The following CREB5 variants were observed in gnomAD, a reference collection of about 807,000 sequenced individuals.
The protein encoded by CREB5 is cAMP responsive element binding protein 5, also known as cyclic AMP-responsive element-binding protein 5.
A neutral mutation model predicts 57.1 loss-of-function variants in CREB5; 19 were observed. The observed-to-expected ratio is 0.33, with a 90% CI of 0.23 to 0.49. The LOEUF is 0.49. Among genes scored for constraint, CREB5 ranks in the 20% least tolerant of loss-of-function variants. CREB5 has a pLI of 0.99. For synonymous variants in CREB5, 238 were observed against 238.3 expected (o/e 1.00, Z 0.01); for missense variants, 579 against 671.6 (o/e 0.86, Z 1.52).
At chr7:28,818,810 G>A in intron 10 of CREB5, 1 of 500,046 alleles carries the variant, frequency 2.0e-6, no homozygotes, top group Non-Finnish European at 3.9e-6. Flanking sequence ...TTCCACATTT[G>A]ATATACGGAT....
Position 28,315,180 on chromosome 7 carries a change from C to T in CREB5, c.-25+15739C>T, listed in dbSNP as rs76806632. 2.9e-3 allele frequency among the ~76,000 whole-genome samples: 443 copies of T among 152,292 alleles called. 3 individuals carry two copies. Among genetic ancestry groups the T allele is most frequent in the African/African-American group, 9.9e-3 (411 of 41,556 alleles). On this transcript the variant is annotated intron_variant, in intron 1 of 9. Transcript: ENST00000396299. ...TTCCTGATGATTCTTGCCAAGGCAACGACTTCCTGTGGGCACAATTCATTT... is the reference window on the plus strand; with the variant it reads ...TTCCTGATGATTCTTGCCAAGGCAATGACTTCCTGTGGGCACAATTCATTT...
At chr7:28,394,075 A>C in intron 1 of CREB5, among the ~76,000 whole-genome samples, 1 of 20,754 alleles carries the variant, frequency 4.8e-5, no homozygotes, top group African/African-American at 1.2e-4. Context: ...TGTCTCAAAA[A>C]AAAAAAAAAA....
chr7:28,348,662 T>G (rs1335693293), intron 1 of CREB5, among the ~76,000 whole-genome samples: 1 of 152,172 alleles, frequency 6.6e-6, no homozygotes, highest in East Asian at 1.9e-4. Context: ...CATCCGTCTT[T>G]CCATTCACAA....
chr7:28,719,690 A>AT (rs1235927150), intron 6 of CREB5, among the ~76,000 whole-genome samples: 1 of 152,218 alleles, frequency 6.6e-6, no homozygotes, highest in African/African-American at 2.4e-5. Context: ...CTAATAGGTG[A>AT]TGGAGGTAGG....
intron 5 of CREB5, among the ~76,000 whole-genome samples, chr7:28,625,963 C>T (rs1797983650): frequency 6.6e-6 from 1 of 152,130 alleles, no homozygotes; most frequent in Non-Finnish European, 1.5e-5. Flanking sequence ...TCATTAGGTA[C>T]CATATGCTTT....
chr7:28,771,006 A>G (rs1244881494), intron 7 of CREB5, among the ~76,000 whole-genome samples: 2 of 152,222 alleles, frequency 1.3e-5, no homozygotes, highest in Non-Finnish European at 2.9e-5. Context: ...TATATATGAT[A>G]GCAAATCGTC....
chr7:28,584,639 C>A lies in CREB5; in HGVS notation c.464+14102C>A, dbSNP rs1013792170. 3.9e-5 allele frequency among the ~76,000 whole-genome samples: 6 copies of A among 152,286 alleles called. No individual in the cohort carries two copies. The South Asian group carries it at 1.2e-3, about 32-fold the overall frequency. ...TGACACCTTGATTTCAGACTTCTAA[C>A]CTCCAGAACTGTGAAAAAATACATT... is the stretch of plus-strand genomic sequence containing the variant. On this transcript the variant is annotated intron_variant, in intron 5 of 10. Coordinates refer to ENST00000357727, the MANE Select transcript of CREB5 (RefSeq NM_182898.4).
At chr7:28,692,525 A>G (rs183330939) in intron 5 of CREB5, among the ~76,000 whole-genome samples, 32 of 152,112 alleles carry the variant, frequency 2.1e-4, no homozygotes, top group Non-Finnish European at 4.0e-4. Flanking sequence ...GGATTCAATC[A>G]CTCTTCTACT....
chr7:28,608,823 G>T (rs1797278571), intron 5 of CREB5, among the ~76,000 whole-genome samples: 1 of 152,206 alleles, frequency 6.6e-6, no homozygotes, highest in South Asian at 2.1e-4. Context: ...TGTTGGTTTT[G>T]TGTAAGGCTA....
intron 6 of CREB5, among the ~76,000 whole-genome samples, chr7:28,721,163 T>C (rs543782000): frequency 7.2e-5 from 11 of 152,102 alleles, no homozygotes; most frequent in Non-Finnish European, 1.2e-4. Flanking sequence ...TATGTGGCAA[T>C]ATCTGGAGAC....
chr7:28,597,455 G>T (rs1302370805), intron 5 of CREB5, among the ~76,000 whole-genome samples: 1 of 152,264 alleles, frequency 6.6e-6, no homozygotes, highest in East Asian at 1.9e-4. Flanking sequence ...CCAATAAAAC[G>T]TGCTAACAGT....
At chr7:28,737,373 C>T (rs1213345697) in intron 7 of CREB5, among the ~76,000 whole-genome samples, 2 of 151,490 alleles carry the variant, frequency 1.3e-5, no homozygotes, top group Non-Finnish European at 2.9e-5. Context: ...TCAGATCTAG[C>T]TGCACCTCCT....
At chr7:28,725,057 C>T (rs183323637) in intron 7 of CREB5, among the ~76,000 whole-genome samples, 38 of 152,322 alleles carry the variant, frequency 2.5e-4, no homozygotes, top group South Asian at 1.7e-3. Flanking sequence ...AGTTTACATA[C>T]AGTTTAATTC....
At chr7:28,680,481 A>T (rs1444483715) in intron 5 of CREB5, among the ~76,000 whole-genome samples, 1 of 152,136 alleles carries the variant, frequency 6.6e-6, no homozygotes, top group East Asian at 1.9e-4. Context: ...TCCTTGGCCG[A>T]GCACTATGGC....
intron 1 of CREB5, among the ~76,000 whole-genome samples, chr7:28,401,970 C>T (rs1226784736): frequency 6.6e-6 from 1 of 152,144 alleles, no homozygotes; most frequent in Non-Finnish European, 1.5e-5. Context: ...AGTTCTAGAT[C>T]CCTGAGGAAT....
chr7:28,687,712 GT>G (rs2128728148), intron 5 of CREB5, among the ~76,000 whole-genome samples: 1 of 152,098 alleles, frequency 6.6e-6, no homozygotes, highest in South Asian at 2.1e-4. Context: ...TTTAACGCAT[GT>G]TTTGGATATC....
chr7:28,464,496 CGTGTGTGTGTGTGT>C (rs71555745), intron 1 of CREB5, among the ~76,000 whole-genome samples: 30 of 139,656 alleles, frequency 2.1e-4, no homozygotes, highest in South Asian at 1.4e-3. Context: ...TGGAAAGTTG[CGTGTGTGTGTGTGT>C]GTGTGTGTGT....
intron 7 of CREB5, among the ~76,000 whole-genome samples, chr7:28,768,181 C>T (rs919676253): frequency 2.0e-5 from 3 of 151,976 alleles, no homozygotes; most frequent in African/African-American, 7.3e-5. Flanking sequence ...GGTGAATGTG[C>T]AGGGAAGGGA....
intron 3 of CREB5, among the ~76,000 whole-genome samples, chr7:28,506,267 T>C (rs778949517): frequency 9.2e-5 from 14 of 152,362 alleles, no homozygotes; most frequent in Non-Finnish European, 2.9e-5. Flanking sequence ...CTATTCTCTG[T>C]ATGATTTAGA....
Sources: allele counts gnomAD v4.1 joint callset (sites outside exome capture counted in the v4.1 genomes callset), GRCh38; gene constraint gnomAD v4.1.1; transcripts MANE v1.5; gene names NCBI Gene and HGNC (gene_info 2026-07-23, HGNC 2026-07-21).